The following ADGRL2 variants were observed in gnomAD, a reference collection of about 807,000 sequenced individuals.
The protein encoded by ADGRL2 is adhesion G protein-coupled receptor L2, also known as calcium-independent alpha-latrotoxin receptor 2.
In ADGRL2, 44 loss-of-function variants were observed where a neutral mutation model predicts 157.4. The ratio of observed to expected loss-of-function variants is 0.28; its 90% CI spans 0.22 to 0.36. The LOEUF (loss-of-function observed/expected upper bound fraction) is 0.36. Ranked by LOEUF, ADGRL2 falls within the 10% of genes least tolerant of loss-of-function variation. ADGRL2 has a pLI of 1.00. For synonymous variants in ADGRL2, 585 were observed against 624.7 expected (o/e 0.94, Z 0.95); for missense variants, 1,510 against 1,768.9 (o/e 0.85, Z 2.63).
intron 3 of ADGRL2, among the ~76,000 whole-genome samples, chr1:81,908,300 C>T (rs1241711692): frequency 1.3e-5 from 2 of 152,184 alleles, no homozygotes; most frequent in Non-Finnish European, 2.9e-5. Context: ...CCCTAAAAAT[C>T]CTCTGTCCTT....
intron 1 of ADGRL2, among the ~76,000 whole-genome samples, chr1:81,815,735 T>A (rs568391340): frequency 1.1e-3 from 166 of 151,996 alleles, no homozygotes; most frequent in African/African-American, 3.9e-3. Flanking sequence ...ATACCTCATG[T>A]GTTTTATTTT....
At chr1:81,309,911 TAC>T (rs1343284090) in intron 1 of ADGRL2, among the ~76,000 whole-genome samples, 1 of 152,188 alleles carries the variant, frequency 6.6e-6, no homozygotes, top group African/African-American at 2.4e-5. Flanking sequence ...TTTATCTAAC[TAC>T]CTTTCCTAGC....
chr1:81,636,661 T>C lies in ADGRL2; in HGVS notation c.-143+55681T>C, dbSNP rs1045612027. ...CCCCAAACTGAGCTCGCCAGAACCA[T>C]TAATTTATGTTCTCTAGAGATTAAT... On this transcript the variant is annotated intron_variant, in intron 3 of 24. Coordinates refer to the ADGRL2 transcript ENST00000370721. Among the ~76,000 whole-genome samples, 6 of 152,260 alleles carry C rather than the reference T, an allele frequency of 3.9e-5. 1 individual carries two copies. The highest frequency in any genetic ancestry group is 7.2e-5 in the African/African-American group (3 of 41,546).
chr1:81,665,877 T>C (rs59572901), intron 3 of ADGRL2, among the ~76,000 whole-genome samples: 4,545 of 152,180 alleles, frequency 0.03, 234 homozygotes, highest in African/African-American at 0.1. Context: ...TCCATGTAAT[T>C]CTCCACATGC....
rs1324265095 is a variant in ADGRL2, at chr1:81,955,991, G to A, written c.1948G>A (p.Glu650Lys). The change falls in exon 11 of 24, where the codon GAA becomes AAA. Residue 650 changes from glutamate to lysine, a missense_variant. Coordinates refer to ENST00000686636, the MANE Select transcript of ADGRL2 (RefSeq NM_001366006.2). ...TATMLLDTLE[E>K]GAFVLADNLL... ...AACAATGTTACTCGATACATTGGAA[G>A]AAGGAGCTTTTGTCCTAGCTGACAA... 1.2e-6 allele frequency: 2 copies of A among 1,611,570 alleles called. No individual in the cohort carries two copies. Among genetic ancestry groups the A allele is most frequent in the Non-Finnish European group, 1.7e-6 (2 of 1,178,848 alleles).
intron 1 of ADGRL2, among the ~76,000 whole-genome samples, chr1:81,347,022 AT>A (rs2100805292): frequency 1.3e-5 from 2 of 152,332 alleles, no homozygotes; most frequent in South Asian, 2.1e-4. Context: ...CTCAAAGGAA[AT>A]AAGGAGAGCT....
intron 21 of ADGRL2, among the ~76,000 whole-genome samples, chr1:81,985,640 T>C (rs1250637475): frequency 1.3e-5 from 2 of 151,942 alleles, no homozygotes; most frequent in African/African-American, 2.4e-5. Context: ...AATTATGAAC[T>C]TTTTTAACCT....
chr1:81,813,770 G>A (rs544578940), intron 1 of ADGRL2, among the ~76,000 whole-genome samples: 21 of 151,784 alleles, frequency 1.4e-4, no homozygotes, highest in African/African-American at 5.1e-4. Flanking sequence ...AATAGGCACT[G>A]CAAAATGGGA....
chr1:81,455,568 G>T (rs2077787824), intron 2 of ADGRL2, among the ~76,000 whole-genome samples: 1 of 152,166 alleles, frequency 6.6e-6, no homozygotes, highest in Non-Finnish European at 1.5e-5. Context: ...TTACATATTA[G>T]AAGACCATAA....
chr1:81,573,529 T>G (rs2148506391), intron 2 of ADGRL2, among the ~76,000 whole-genome samples: 1 of 152,272 alleles, frequency 6.6e-6, no homozygotes, highest in South Asian at 2.1e-4. Flanking sequence ...CAATAGTATT[T>G]TATAATTCAT....
chr1:81,801,097 C>T (rs1209556055), intron 1 of ADGRL2, among the ~76,000 whole-genome samples, 29 bp downstream of exon 1: 1 of 152,062 alleles, frequency 6.6e-6, no homozygotes, highest in Non-Finnish European at 1.5e-5. Context: ...TCCTCCTCCC[C>T]GCCGCTTGGG....
At chr1:81,576,126 A>G (rs1035608607) in intron 2 of ADGRL2, among the ~76,000 whole-genome samples, 4 of 152,162 alleles carry the variant, frequency 2.6e-5, no homozygotes, top group Non-Finnish European at 4.4e-5. Flanking sequence ...CCAGGAAAAG[A>G]CAGGTGCACC....
intron 3 of ADGRL2, among the ~76,000 whole-genome samples, chr1:81,587,908 A>G (rs531712015): frequency 6.6e-6 from 1 of 152,292 alleles, no homozygotes; most frequent in South Asian, 2.1e-4. Context: ...TCATGTGCAT[A>G]CTATCGGGTT....
intron 1 of ADGRL2, among the ~76,000 whole-genome samples, chr1:81,438,997 C>T (rs2077458903): frequency 6.6e-6 from 1 of 152,094 alleles, no homozygotes; most frequent in South Asian, 2.1e-4. Flanking sequence ...GTTTAAATGT[C>T]ACTTTCTCAA....
At chr1:81,373,502 G>A (rs1225198908) in intron 1 of ADGRL2, among the ~76,000 whole-genome samples, 1 of 152,182 alleles carries the variant, frequency 6.6e-6, no homozygotes, top group Non-Finnish European at 1.5e-5. Context: ...AGTTTATCAA[G>A]AACAAACAGA....
chr1:81,614,117 A>G (rs1452866144), intron 3 of ADGRL2, among the ~76,000 whole-genome samples: 1 of 152,160 alleles, frequency 6.6e-6, no homozygotes, highest in East Asian at 1.9e-4. Context: ...TAATACCTCT[A>G]AACTCCTTGA....
chr1:81,527,001 G>A (rs1001679630), intron 2 of ADGRL2, among the ~76,000 whole-genome samples: 2 of 152,188 alleles, frequency 1.3e-5, no homozygotes, highest in Non-Finnish European at 2.9e-5. Context: ...GGATCTGTTT[G>A]GGTGGTATTA....
intron 2 of ADGRL2, among the ~76,000 whole-genome samples, chr1:81,481,528 G>T (rs967192263): frequency 1.3e-5 from 2 of 152,204 alleles, no homozygotes; most frequent in Non-Finnish European, 2.9e-5. Context: ...ACCAGCTTCA[G>T]CTGTGAGCCT....
chr1:81,326,253 G>A (rs1315265582), intron 1 of ADGRL2, among the ~76,000 whole-genome samples: 1 of 152,128 alleles, frequency 6.6e-6, no homozygotes, highest in African/African-American at 2.4e-5. Flanking sequence ...ATAGACTTTA[G>A]TCTTCAGTAA....
Sources: gnomAD v4.1 joint callset for allele counts (sites outside exome capture counted in the v4.1 genomes callset) on GRCh38, gnomAD v4.1.1 for gene constraint, MANE v1.5 for transcripts, NCBI Gene and HGNC (gene_info 2026-07-23, HGNC 2026-07-21) for gene names.